ZCCHC7: variants seen among roughly 807,000 people sequenced by gnomAD.
The protein encoded by ZCCHC7 is zinc finger CCHC domain-containing protein 7.
A neutral mutation model predicts 52.0 loss-of-function variants in ZCCHC7; 35 were observed. The observed-to-expected ratio is 0.67, with a 90% CI of 0.51 to 0.89. ZCCHC7 has a LOEUF of 0.89. Ranked by LOEUF, ZCCHC7 falls within the 40% of genes least tolerant of loss-of-function variation. The probability of loss-of-function intolerance (pLI) is 0.00; values close to 1 mark genes in which losing one functional copy is unlikely to be tolerated. For synonymous variants in ZCCHC7, 217 were observed against 221.5 expected (o/e 0.98, Z 0.18); for missense variants, 574 against 649.1 (o/e 0.88, Z 1.26).
At chr9:37,217,073 G>C (rs1339051679) in intron 2 of ZCCHC7, among the ~76,000 whole-genome samples, 1 of 151,970 alleles carries the variant, frequency 6.6e-6, no homozygotes, top group Non-Finnish European at 1.5e-5. Flanking sequence ...TGCTACAGGT[G>C]TATCTATCTT....
chr9:37,261,251 G>T (rs1340035177), intron 2 of ZCCHC7, among the ~76,000 whole-genome samples: 1 of 152,102 alleles, frequency 6.6e-6, no homozygotes, highest in Non-Finnish European at 1.5e-5. Flanking sequence ...TTTAGAGGAA[G>T]TTTCTCTAAC....
chr9:37,227,559 C>T (rs1009220830), intron 2 of ZCCHC7, among the ~76,000 whole-genome samples: 4 of 152,066 alleles, frequency 2.6e-5, no homozygotes, highest in African/African-American at 7.2e-5. Context: ...TATACCTTAC[C>T]ATCCAACCCA....
chr9:37,251,518 A>G (rs887584354), intron 2 of ZCCHC7, among the ~76,000 whole-genome samples: 1 of 152,166 alleles, frequency 6.6e-6, no homozygotes, highest in African/African-American at 2.4e-5. Flanking sequence ...TGTGTTGAGC[A>G]GTATCAGACA....
At chr9:37,310,394 A>T (rs1244482299) in intron 5 of ZCCHC7, among the ~76,000 whole-genome samples, 1 of 152,230 alleles carries the variant, frequency 6.6e-6, no homozygotes, top group Non-Finnish European at 1.5e-5. Context: ...GACATTTCCA[A>T]GATAACAACA....
chr9:37,346,994 C>CA (rs112381277), intron 6 of ZCCHC7, among the ~76,000 whole-genome samples: 20 of 148,656 alleles, frequency 1.3e-4, no homozygotes, highest in African/African-American at 3.7e-4. Flanking sequence ...AGACCCTGTC[C>CA]AAAAAAAAAA....
intron 7 of ZCCHC7, among the ~76,000 whole-genome samples, chr9:37,350,644 A>T (rs1039608717): frequency 5.9e-5 from 9 of 152,210 alleles, no homozygotes; most frequent in Non-Finnish European, 1.3e-4. Context: ...TGTGTTCTAG[A>T]TGCTGAGGTG....
At chr9:37,314,925 C>A (rs1041513740) in intron 5 of ZCCHC7, among the ~76,000 whole-genome samples, 3 of 151,940 alleles carry the variant, frequency 2.0e-5, no homozygotes, top group Admixed American at 1.3e-4. Context: ...CTAATCAATT[C>A]TGTGTATGAT....
intron 6 of ZCCHC7, among the ~76,000 whole-genome samples, chr9:37,341,586 A>G (rs1386941090): frequency 1.3e-5 from 2 of 152,114 alleles, no homozygotes; most frequent in South Asian, 2.1e-4. Flanking sequence ...GTCAGATATG[A>G]TAAGTGCCAT....
intron 2 of ZCCHC7, among the ~76,000 whole-genome samples, chr9:37,155,475 AT>A (rs1449434064): frequency 1.3e-5 from 2 of 152,196 alleles, no homozygotes; most frequent in East Asian, 1.9e-4. Context: ...TTTGACAATA[AT>A]TTTTTAATTA....
At chr9:37,176,013 T>C (rs1822005522) in intron 2 of ZCCHC7, among the ~76,000 whole-genome samples, 1 of 152,206 alleles carries the variant, frequency 6.6e-6, no homozygotes. Context: ...AATATGGCAA[T>C]TTCATATGCT....
At chr9:37,157,995 G>A (rs954821285) in intron 2 of ZCCHC7, among the ~76,000 whole-genome samples, 9 of 152,250 alleles carry the variant, frequency 5.9e-5, no homozygotes, top group Non-Finnish European at 1.3e-4. Flanking sequence ...GCACTGCCAT[G>A]TTACGTTAGA....
intron 5 of ZCCHC7, among the ~76,000 whole-genome samples, chr9:37,312,698 G>A (rs1829651044): frequency 6.6e-6 from 1 of 152,194 alleles, no homozygotes; most frequent in African/African-American, 2.4e-5. Context: ...CAAATCTGGA[G>A]GACTGCCTGA....
intron 6 of ZCCHC7, among the ~76,000 whole-genome samples, chr9:37,336,762 T>G (rs2118378530): frequency 6.6e-6 from 1 of 152,286 alleles, no homozygotes; most frequent in African/African-American, 2.4e-5. Flanking sequence ...AACATTCAGA[T>G]AAAATGTCCA....
At chr9:37,136,021 A>C (rs769710607) in intron 2 of ZCCHC7, among the ~76,000 whole-genome samples, 2 of 151,720 alleles carry the variant, frequency 1.3e-5, no homozygotes, top group Non-Finnish European at 2.9e-5. Flanking sequence ...TGTTTGATCT[A>C]GGTCTTTACA....
intron 2 of ZCCHC7, among the ~76,000 whole-genome samples, chr9:37,294,071 G>A (rs1828666200): frequency 6.6e-6 from 1 of 152,134 alleles, no homozygotes. Context: ...CACTTATACA[G>A]TGAAAAATTT....
At chr9:37,311,554 C>T (rs1829601141) in intron 5 of ZCCHC7, among the ~76,000 whole-genome samples, 1 of 152,110 alleles carries the variant, frequency 6.6e-6, no homozygotes, top group African/African-American at 2.4e-5. Flanking sequence ...GGATTACAGG[C>T]ATGAGCCACA....
chr9:37,281,214 C>T (rs1041890929), intron 2 of ZCCHC7, among the ~76,000 whole-genome samples: 1 of 152,200 alleles, frequency 6.6e-6, no homozygotes, highest in Non-Finnish European at 1.5e-5. Context: ...CAGTGTCTCC[C>T]TATATTGCCC....
intron 2 of ZCCHC7, among the ~76,000 whole-genome samples, chr9:37,272,600 A>G (rs1017938102): frequency 6.6e-6 from 1 of 151,802 alleles, no homozygotes; most frequent in South Asian, 2.1e-4. Flanking sequence ...ATATATGTGA[A>G]TATTCATCAC....
chr9:37,235,390 T>G (rs2133331766), intron 2 of ZCCHC7, among the ~76,000 whole-genome samples: 1 of 152,286 alleles, frequency 6.6e-6, no homozygotes, highest in South Asian at 2.1e-4. Flanking sequence ...TCATTTAATA[T>G]AATGTCCTCC....
Sources: allele counts gnomAD v4.1 joint callset (sites outside exome capture counted in the v4.1 genomes callset), GRCh38; gene constraint gnomAD v4.1.1; transcripts MANE v1.5; gene names NCBI Gene and HGNC (gene_info 2026-07-23, HGNC 2026-07-21).